PTPRT: variants seen among roughly 807,000 people sequenced by gnomAD.
PTPRT encodes the protein receptor-type tyrosine-protein phosphatase T.
PTPRT carries 56 observed loss-of-function variants against 176.8 expected under a neutral mutation model. That is an observed-to-expected ratio of 0.32 (90% CI 0.26 to 0.40). The LOEUF (loss-of-function observed/expected upper bound fraction) is 0.40. PTPRT is among the 10% of genes least tolerant of loss of function. The pLI, the probability that PTPRT is intolerant of heterozygous loss-of-function variation, is 1.00. For missense variants in PTPRT, 1,540 were observed against 1,908.2 expected (o/e 0.81, Z 3.60); for synonymous variants, 783 against 739.0 (o/e 1.06, Z -0.96).
chr20:42,552,223 C>A (rs1021156840), intron 7 of PTPRT, among the ~76,000 whole-genome samples: 1 of 152,098 alleles, frequency 6.6e-6, no homozygotes, highest in East Asian at 1.9e-4. Context: ...ATTTCAGATA[C>A]CCTGGGAATC....
intron 19 of PTPRT, 118 bp downstream of exon 19, chr20:42,128,636 T>A (rs1343957369): frequency 2.4e-6 from 2 of 824,310 alleles, no homozygotes; most frequent in Admixed American, 5.5e-5. Flanking sequence ...GTTCCACATA[T>A]CAAGGAGGAT....
At chr20:43,143,683 A>G (rs1568810158) in intron 1 of PTPRT, among the ~76,000 whole-genome samples, 1 of 151,908 alleles carries the variant, frequency 6.6e-6, no homozygotes, top group Non-Finnish European at 1.5e-5. Flanking sequence ...CTGGGATTCC[A>G]AAAAAGAGAA....
intron 1 of PTPRT, among the ~76,000 whole-genome samples, chr20:42,889,886 T>C (rs538512452): frequency 6.6e-6 from 1 of 152,080 alleles, no homozygotes; most frequent in African/African-American, 2.4e-5. Flanking sequence ...TAAAAGGGGG[T>C]TACATATATA....
chr20:42,929,179 C>T (rs1270897657), intron 1 of PTPRT, among the ~76,000 whole-genome samples: 4 of 152,194 alleles, frequency 2.6e-5, no homozygotes, highest in African/African-American at 9.7e-5. Context: ...TATTTTGTGC[C>T]TTACATGCAA....
At chr20:42,712,426 A>T (rs551220623) in intron 6 of PTPRT, among the ~76,000 whole-genome samples, 17 of 152,312 alleles carry the variant, frequency 1.1e-4, no homozygotes, top group South Asian at 6.2e-4. Context: ...TACTCCTCCC[A>T]GTTGATGATA....
At chr20:42,640,418 C>T (rs940194453) in intron 7 of PTPRT, among the ~76,000 whole-genome samples, 1 of 151,776 alleles carries the variant, frequency 6.6e-6, no homozygotes, top group African/African-American at 2.4e-5. Context: ...TTTTTTGAGA[C>T]AGTGTCTTGC....
At chr20:42,962,151 A>C (rs899518150) in intron 1 of PTPRT, among the ~76,000 whole-genome samples, 16 of 152,234 alleles carry the variant, frequency 1.1e-4, no homozygotes, top group Admixed American at 2.6e-4. Flanking sequence ...AATACAGGTA[A>C]TGTATCCAAA....
chr20:42,495,918 T>C (rs927448604), intron 7 of PTPRT, among the ~76,000 whole-genome samples: 21 of 152,156 alleles, frequency 1.4e-4, no homozygotes, highest in African/African-American at 4.6e-4. Context: ...TGAAACTCCA[T>C]GTATAACTTC....
chr20:42,403,070 G>A (rs1370614115), intron 9 of PTPRT, among the ~76,000 whole-genome samples: 1 of 152,062 alleles, frequency 6.6e-6, no homozygotes, highest in African/African-American at 2.4e-5. Flanking sequence ...GTCTTAGTCT[G>A]ATTACCCAAG....
At chr20:42,200,418 G>GT (rs1260061695) in intron 15 of PTPRT, among the ~76,000 whole-genome samples, 3 of 152,266 alleles carry the variant, frequency 2.0e-5, no homozygotes, top group Non-Finnish European at 2.9e-5. Flanking sequence ...TGCTATTCTT[G>GT]TTTTTTCTAC....
At chr20:42,452,153 C>T (rs890952434) in intron 8 of PTPRT, among the ~76,000 whole-genome samples, 4 of 151,706 alleles carry the variant, frequency 2.6e-5, no homozygotes, top group Admixed American at 2.0e-4. Context: ...CCTGTAGTTC[C>T]AGCTACTCGA....
intron 1 of PTPRT, among the ~76,000 whole-genome samples, chr20:43,044,863 G>A (rs950888667): frequency 6.6e-6 from 1 of 152,214 alleles, no homozygotes; most frequent in Non-Finnish European, 1.5e-5. Flanking sequence ...GTGTGCAGCT[G>A]CAGTGTAAAG....
chr20:43,088,112 T>G (rs1468763246), intron 1 of PTPRT, among the ~76,000 whole-genome samples: 2 of 152,210 alleles, frequency 1.3e-5, no homozygotes, highest in East Asian at 3.9e-4. Flanking sequence ...CACTACACAT[T>G]ATACTGAAAC....
intron 12 of PTPRT, among the ~76,000 whole-genome samples, chr20:42,293,191 C>G (rs1358657974): frequency 6.6e-6 from 1 of 152,208 alleles, no homozygotes; most frequent in Non-Finnish European, 1.5e-5. Context: ...AACCCAACCT[C>G]TGAAAATCTT....
At position 43,169,068 on chromosome 20, in the gene PTPRT, G is replaced by A. The variant is rs780057675; in HGVS notation, c.88+20578C>T. ...CCCCAGGTTCAAAACCTAAAAAGCA[G>A]GTTTCAGGCCTTGCCCCAACCCTCA... On this transcript the variant is annotated intron_variant, in intron 1 of 30. Coordinates refer to ENST00000373187, the MANE Select transcript of PTPRT (RefSeq NM_007050.6). Among the ~76,000 whole-genome samples the A allele has an allele frequency of 1.1e-4, 17 of 152,182 alleles. 1 individual carries two copies.
At chr20:42,236,153 T>A in intron 15 of PTPRT, 76 bp downstream of exon 15, 1 of 1,274,960 alleles carries the variant, frequency 7.8e-7, no homozygotes, top group Non-Finnish European at 1.1e-6. Context: ...AACAGACACT[T>A]GGTTGGTGCA....
chr20:42,342,910 T>C (rs1246483320), intron 11 of PTPRT, among the ~76,000 whole-genome samples: 1 of 152,220 alleles, frequency 6.6e-6, no homozygotes, highest in Non-Finnish European at 1.5e-5. Context: ...TCAGAATCTA[T>C]GGTCTTAACT....
chr20:42,411,934 C>A (rs2059023321), intron 9 of PTPRT, among the ~76,000 whole-genome samples: 1 of 152,024 alleles, frequency 6.6e-6, no homozygotes, highest in Non-Finnish European at 1.5e-5. Flanking sequence ...TCAACCTAGA[C>A]CCATACCTTG....
Position 42,080,414 on chromosome 20 carries a change from G to A in PTPRT, c.*465C>T. The A allele has an allele frequency of 4.3e-6, 1 of 234,496 alleles. No individual in the cohort carries two copies. The highest frequency in any genetic ancestry group is 8.4e-6 in the Non-Finnish European group (1 of 119,124). The allele number at this position is 234,496 out of a possible 1,614,324, so 14.5% of individuals were successfully genotyped here. A position where few individuals can be genotyped will look rare whatever the true frequency, so the allele number is the denominator to read the frequency against. ...AGGCCCCTGAAGGAGGTTGCAGGGG[G>A]CAGCAGAGCAGTGACCCCCAAGAGC... is the stretch of plus-strand genomic sequence containing the variant. On this transcript the variant is annotated 3_prime_UTR_variant, in exon 31 of 31. Coordinates refer to ENST00000373187, the MANE Select transcript of PTPRT (RefSeq NM_007050.6).
Sources: allele counts gnomAD v4.1 joint callset (sites outside exome capture counted in the v4.1 genomes callset), GRCh38; gene constraint gnomAD v4.1.1; transcripts MANE v1.5; gene names NCBI Gene and HGNC (gene_info 2026-07-23, HGNC 2026-07-21).